The following LRMDA variants were observed in gnomAD, a reference collection of about 807,000 sequenced individuals.
LRMDA encodes leucine-rich melanocyte differentiation-associated protein.
In LRMDA, 18 loss-of-function variants were observed where a neutral mutation model predicts 29.8. The observed-to-expected ratio is 0.60, with a 90% CI of 0.42 to 0.90. LRMDA has a LOEUF of 0.90. Among genes scored for constraint, LRMDA ranks in the 40% least tolerant of loss-of-function variants. LRMDA has a pLI of 0.00. For missense variants in LRMDA, 273 were observed against 273.9 expected (o/e 1.00, Z 0.02); for synonymous variants, 125 against 109.4 (o/e 1.14, Z -0.89).
chr10:75,856,728 C>T (rs1318273918), intron 2 of LRMDA, among the ~76,000 whole-genome samples: 2 of 152,166 alleles, frequency 1.3e-5, no homozygotes, highest in Non-Finnish European at 2.9e-5. Context: ...CAATATCATA[C>T]TGAATGGGCA....
At chr10:75,469,587 C>CGT (rs59056579) in intron 2 of LRMDA, among the ~76,000 whole-genome samples, 173 of 150,894 alleles carry the variant, frequency 1.1e-3, no homozygotes, top group East Asian at 7.3e-3. Context: ...AGTGTATGTG[C>CGT]GTGTGTGTGT....
intron 5 of LRMDA, among the ~76,000 whole-genome samples, chr10:76,175,561 C>T (rs16932957): frequency 0.021 from 3,144 of 152,256 alleles, 113 homozygotes; most frequent in African/African-American, 0.07. Flanking sequence ...AAGAAATGGT[C>T]CTAGCAAGAA....
At chr10:75,828,322 C>A (rs1481271500) in intron 2 of LRMDA, among the ~76,000 whole-genome samples, 1 of 152,106 alleles carries the variant, frequency 6.6e-6, no homozygotes, top group African/African-American at 2.4e-5. Flanking sequence ...AAAGTTCAAC[C>A]AGGTCCAATT....
In LRMDA at chr10:76,360,071, C is replaced by T. The variant is rs1021253611; in HGVS notation, c.601+35586C>T. On this transcript the variant is annotated intron_variant, in intron 6 of 6. Coordinates refer to ENST00000611255, the MANE Select transcript of LRMDA (RefSeq NM_001305581.2). ...GTGCAATCACACGATCTTGGCTCATCGCAACCTCCCGGGTTCAAGTGATTC... is the reference window on the plus strand; with the variant it reads ...GTGCAATCACACGATCTTGGCTCATTGCAACCTCCCGGGTTCAAGTGATTC... Among the ~76,000 whole-genome samples, 16 of 151,992 alleles carry T rather than the reference C, an allele frequency of 1.1e-4. 1 individual carries two copies. The highest frequency in any genetic ancestry group is 4.6e-4 in the Admixed American group (7 of 15,256).
At chr10:75,630,223 A>G (rs550548200) in intron 2 of LRMDA, among the ~76,000 whole-genome samples, 25 of 152,218 alleles carry the variant, frequency 1.6e-4, no homozygotes, top group African/African-American at 5.5e-4. Flanking sequence ...TCTCATTGTT[A>G]AGGCAGAATT....
At chr10:75,926,333 T>C (rs966274815) in intron 2 of LRMDA, among the ~76,000 whole-genome samples, 1 of 152,120 alleles carries the variant, frequency 6.6e-6, no homozygotes, top group Non-Finnish European at 1.5e-5. Context: ...GGCAGGAGGA[T>C]CTTTCCTGGT....
chr10:75,720,348 T>C (rs1245564276), intron 2 of LRMDA, among the ~76,000 whole-genome samples: 13 of 152,198 alleles, frequency 8.5e-5, no homozygotes. Context: ...TGCATAATCT[T>C]ATGTGAGTCA....
At chr10:75,468,693 G>A (rs891881253) in intron 2 of LRMDA, among the ~76,000 whole-genome samples, 2 of 151,992 alleles carry the variant, frequency 1.3e-5, no homozygotes, top group Non-Finnish European at 2.9e-5. Flanking sequence ...GGGGGCTGTC[G>A]GGCACAGGAT....
At chr10:76,111,729 C>T (rs1341871397) in intron 5 of LRMDA, among the ~76,000 whole-genome samples, 1 of 152,154 alleles carries the variant, frequency 6.6e-6, no homozygotes, top group Non-Finnish European at 1.5e-5. Flanking sequence ...TTGCTCCACC[C>T]TCCATAAAAT....
chr10:75,842,141 T>C (rs1844552274), intron 2 of LRMDA, among the ~76,000 whole-genome samples: 1 of 152,246 alleles, frequency 6.6e-6, no homozygotes, highest in African/African-American at 2.4e-5. Context: ...TCTTTTCATA[T>C]GCCTGCAAGG....
chr10:75,799,917 A>G (rs1254970253), intron 2 of LRMDA, among the ~76,000 whole-genome samples: 3 of 152,174 alleles, frequency 2.0e-5, no homozygotes, highest in African/African-American at 7.2e-5. Flanking sequence ...CCGATTACAC[A>G]TAAATTAGAT....
chr10:75,615,742 C>G (rs1263931458), intron 2 of LRMDA, among the ~76,000 whole-genome samples: 1 of 152,122 alleles, frequency 6.6e-6, no homozygotes, highest in Non-Finnish European at 1.5e-5. Context: ...GTTAATGGTC[C>G]TTTGACTTCA....
At chr10:75,679,673 C>A (rs912155916) in intron 2 of LRMDA, among the ~76,000 whole-genome samples, 4 of 152,210 alleles carry the variant, frequency 2.6e-5, no homozygotes, top group African/African-American at 9.6e-5. Context: ...TACTAACATT[C>A]TGATGGCATC....
chr10:75,453,536 C>T (rs140271717), intron 2 of LRMDA, among the ~76,000 whole-genome samples: 20 of 152,142 alleles, frequency 1.3e-4, no homozygotes, highest in African/African-American at 3.6e-4. Context: ...ATTTTTTTCC[C>T]GAAGACTTTT....
intron 6 of LRMDA, among the ~76,000 whole-genome samples, chr10:76,462,133 A>G (rs1171862536): frequency 3.3e-5 from 5 of 152,080 alleles, no homozygotes; most frequent in Middle Eastern, 6.8e-3. Context: ...GTGAACAACA[A>G]CCACCAAAAA....
intron 2 of LRMDA, among the ~76,000 whole-genome samples, chr10:75,753,839 T>TC (rs59335426): frequency 0.039 from 5,880 of 152,208 alleles, 312 homozygotes; most frequent in African/African-American, 0.12. Flanking sequence ...ATTGTGGTGG[T>TC]CATGGGATAG....
intron 2 of LRMDA, among the ~76,000 whole-genome samples, chr10:75,697,502 T>TC (rs1842250390): frequency 6.6e-6 from 1 of 151,322 alleles, no homozygotes; most frequent in Admixed American, 6.6e-5. Flanking sequence ...AGAGGAGCAT[T>TC]CTTTTTTTTT....
intron 2 of LRMDA, among the ~76,000 whole-genome samples, chr10:75,505,107 A>T (rs1447968508): frequency 6.6e-6 from 1 of 152,114 alleles, no homozygotes; most frequent in Non-Finnish European, 1.5e-5. Flanking sequence ...TGGAAATGGG[A>T]TGAATAAGGG....
Position 76,248,359 on chromosome 10 carries a change from A to G in LRMDA, c.517-76042A>G, listed in dbSNP as rs1269902110. Among the ~76,000 whole-genome samples the G allele has an allele frequency of 2.0e-5, 3 of 152,154 alleles. No homozygotes were observed. In the East Asian group the frequency reaches 5.8e-4, roughly 29 times the overall value. ...AATTGTTGACTTCATGTCAGGTTTT[A>G]CAGAGTTCCTTAACATATCTAGGCA... On this transcript the variant is annotated intron_variant, in intron 5 of 6. Coordinates refer to ENST00000611255, the MANE Select transcript of LRMDA (RefSeq NM_001305581.2).
Sources: allele counts gnomAD v4.1 joint callset (sites outside exome capture counted in the v4.1 genomes callset), GRCh38; gene constraint gnomAD v4.1.1; transcripts MANE v1.5; gene names NCBI Gene and HGNC (gene_info 2026-07-23, HGNC 2026-07-21).